The following EGF variants were observed in gnomAD, a reference collection of about 807,000 sequenced individuals.
EGF encodes epidermal growth factor.
EGF carries 95 observed loss-of-function variants against 143.8 expected under a neutral mutation model. That is an observed-to-expected ratio of 0.66 (90% CI 0.56 to 0.78). EGF has a LOEUF of 0.78. Ranked by LOEUF, EGF falls within the 30% of genes least tolerant of loss-of-function variation. EGF has a pLI of 0.00. For missense variants in EGF, 1,320 were observed against 1,470.9 expected (o/e 0.90, Z 1.68); for synonymous variants, 510 against 510.5 (o/e 1.00, Z 0.01).
chr4:109,959,543 G>C (rs1578261615), intron 6 of EGF, 106 bp downstream of exon 6: 6 of 1,580,710 alleles, frequency 3.8e-6, no homozygotes, highest in Non-Finnish European at 5.2e-6. Flanking sequence ...CAGAGACTCA[G>C]TGGAAAACCA....
rs1214100101 is a variant in EGF, at chr4:109,960,849, G to A, written c.1067-18G>A. 3 of 1,613,662 alleles carry A rather than the reference G, an allele frequency of 1.9e-6. No individual in the cohort carries two copies. The highest frequency in any genetic ancestry group is 1.7e-5 in the Admixed American group (1 of 59,976). On this transcript the variant is annotated intron_variant, in intron 6 of 23. Coordinates refer to ENST00000265171, the MANE Select transcript of EGF (RefSeq NM_001963.6). ...AAAAATAGCCATTTGAATGTATTGT[G>A]CTGTTGTCATTGTGCAGATGTTAAT...
chr4:109,959,280 C>G (rs566637639), intron 5 of EGF, 32 bp from the exon 6 acceptor site: 2 of 1,613,428 alleles, frequency 1.2e-6, no homozygotes, highest in South Asian at 2.2e-5. Context: ...CAAAACACGG[C>G]CCCACTCCAA....
chr4:109,939,266 C>G (rs1460584660), intron 1 of EGF, among the ~76,000 whole-genome samples: 1 of 152,218 alleles, frequency 6.6e-6, no homozygotes, highest in Non-Finnish European at 1.5e-5. Context: ...CTCCCTCCAC[C>G]AAGCTTTAGC....
intron 1 of EGF, among the ~76,000 whole-genome samples, chr4:109,923,230 A>G (rs555331286): frequency 6.6e-6 from 1 of 151,696 alleles, no homozygotes; most frequent in South Asian, 2.1e-4. Context: ...TAAGGCCCAG[A>G]ACTTAATGAC....
At chr4:109,961,268 A>T (rs1326023203) in intron 7 of EGF, among the ~76,000 whole-genome samples, 3 of 151,812 alleles carry the variant, frequency 2.0e-5, no homozygotes, top group Non-Finnish European at 2.9e-5. Flanking sequence ...AGGCAGAAGG[A>T]TCACTTGAAC....
At chr4:109,917,533 G>T (rs1432574038) in intron 1 of EGF, among the ~76,000 whole-genome samples, 1 of 151,708 alleles carries the variant, frequency 6.6e-6, no homozygotes, top group Non-Finnish European at 1.5e-5. Flanking sequence ...TTACATTCAG[G>T]TGTACATGTG....
intron 1 of EGF, among the ~76,000 whole-genome samples, chr4:109,914,797 A>T (rs1485143860): frequency 6.6e-6 from 1 of 152,172 alleles, no homozygotes; most frequent in African/African-American, 2.4e-5. Context: ...GCTGTTGGAG[A>T]CAGAAGTAAA....
intron 21 of EGF, among the ~76,000 whole-genome samples, chr4:110,000,050 G>A (rs1391893249): frequency 3.9e-5 from 6 of 151,998 alleles, no homozygotes; most frequent in Non-Finnish European, 7.4e-5. Flanking sequence ...TCAGAAGTTC[G>A]AGACCAGCCT....
At chr4:110,004,882 A>G (rs564792098) in intron 22 of EGF, among the ~76,000 whole-genome samples, 1 of 152,126 alleles carries the variant, frequency 6.6e-6, no homozygotes, top group East Asian at 1.9e-4. Context: ...TTTTTCTTTC[A>G]TGTAGATTCT....
In EGF at chr4:109,936,669, T is replaced by C. The variant is rs564460827; in HGVS notation, c.128-4277T>C. ...TTTGGATATTTCTTGCTTTCTCCTG[T>C]GGGCATTTAGTGTATACATTTCCGT... On this transcript the variant is annotated intron_variant, in intron 1 of 23. Transcript: ENST00000265171. Among the ~76,000 whole-genome samples, 5 of 152,358 alleles carry C rather than the reference T, an allele frequency of 3.3e-5. No homozygotes were observed. In the East Asian group the frequency reaches 9.6e-4, roughly 29 times the overall value.
chr4:109,975,964 A>G, intron 12 of EGF, 48 bp from the exon 13 acceptor site: 1 of 1,559,966 alleles, frequency 6.4e-7, no homozygotes, highest in South Asian at 1.1e-5. Context: ...AGAACAGAAT[A>G]ATTTATTTCA....
intron 23 of EGF, 136 bp downstream of exon 23, chr4:110,008,366 TGGGCTG>T: frequency 2.8e-5 from 32 of 1,123,728 alleles, no homozygotes; most frequent in Middle Eastern, 2.5e-4. Flanking sequence ...TGTGAATAGC[TGGGCTG>T]TATTGAAATG....
At chr4:109,914,222 T>C (rs1391237515) in intron 1 of EGF, among the ~76,000 whole-genome samples, 1 of 152,250 alleles carries the variant, frequency 6.6e-6, no homozygotes, top group African/African-American at 2.4e-5. Flanking sequence ...TATTTAATCC[T>C]TGGGTGAGCC....
At chr4:109,995,589 A>G (rs968434009) in intron 20 of EGF, among the ~76,000 whole-genome samples, 1 of 152,212 alleles carries the variant, frequency 6.6e-6, no homozygotes, top group Non-Finnish European at 1.5e-5. Flanking sequence ...CCAAACCCAC[A>G]ATAGCCAGTT....
At chr4:109,921,600 C>G (rs1469072895) in intron 1 of EGF, among the ~76,000 whole-genome samples, 1 of 151,482 alleles carries the variant, frequency 6.6e-6, no homozygotes, top group Non-Finnish European at 1.5e-5. Context: ...AGCACTGCCT[C>G]CTTCCTCCAT....
At chr4:110,004,295 G>A (rs1752971706) in intron 21 of EGF, 5 of 630,990 alleles carry the variant, frequency 7.9e-6, no homozygotes, top group South Asian at 1.7e-5. Flanking sequence ...TGGAAAGAGT[G>A]AAACACTGTC....
chr4:109,970,622 C>A (rs111260399), intron 11 of EGF, among the ~76,000 whole-genome samples: 4 of 151,856 alleles, frequency 2.6e-5, no homozygotes, highest in East Asian at 3.9e-4. Context: ...GTCAGGAGAT[C>A]GAGACCATCC....
At chr4:109,994,915 A>T in intron 20 of EGF, 35 bp downstream of exon 20, 1 of 1,613,656 alleles carries the variant, frequency 6.2e-7, no homozygotes, top group Non-Finnish European at 8.5e-7. Context: ...GCACAGAGAG[A>T]TGCTATTCAG....
chr4:110,010,364 A>G (rs1753838811), intron 23 of EGF, among the ~76,000 whole-genome samples: 1 of 152,244 alleles, frequency 6.6e-6, no homozygotes, highest in African/African-American at 2.4e-5. Flanking sequence ...GCTAAAGAGC[A>G]ATGTGTCAGG....
Sources: gnomAD v4.1 joint callset for allele counts (sites outside exome capture counted in the v4.1 genomes callset) on GRCh38, gnomAD v4.1.1 for gene constraint, MANE v1.5 for transcripts, NCBI Gene and HGNC (gene_info 2026-07-23, HGNC 2026-07-21) for gene names.